Variants in TEK observed in about 807,000 individuals in gnomAD.
TEK encodes angiopoietin-1 receptor.
TEK carries 43 observed loss-of-function variants against 131.8 expected under a neutral mutation model. The observed-to-expected ratio is 0.33, with a 90% confidence interval of 0.26 to 0.42. TEK has a LOEUF of 0.42. Ranked by LOEUF, TEK falls within the 10% of genes least tolerant of loss-of-function variation. The pLI is 1.00. For synonymous variants in TEK, 580 were observed against 491.6 expected, an observed-to-expected ratio of 1.18 and a Z score of -2.38; for missense variants, 1,162 against 1,384.4, an observed-to-expected ratio of 0.84 and a Z score of 2.55.
At chr9:27,163,151 C>A (rs1279281116) in intron 2 of TEK, among the ~76,000 whole-genome samples, 1 of 152,060 alleles carries the variant, frequency 6.6e-6, no homozygotes, top group African/African-American at 2.4e-5. Flanking sequence ...CTTTTAAGAC[C>A]CCACTAATAA....
intron 6 of TEK, among the ~76,000 whole-genome samples, chr9:27,174,399 G>A (rs534360717): frequency 1.4e-4 from 21 of 152,204 alleles, no homozygotes; most frequent in African/African-American, 5.1e-4. Flanking sequence ...ATTTTCTAGT[G>A]TCCACATTAA....
chr9:27,115,328 ATC>A (rs1821509512), intron 1 of TEK, among the ~76,000 whole-genome samples: 1 of 151,960 alleles, frequency 6.6e-6, no homozygotes, highest in South Asian at 2.1e-4. Flanking sequence ...GCAAAACCCC[ATC>A]TCTACAAAAA....
chr9:27,208,611 C>T (rs1036094754), intron 15 of TEK, among the ~76,000 whole-genome samples: 1 of 152,178 alleles, frequency 6.6e-6, no homozygotes. Context: ...AAATAAGTTA[C>T]AGTTAGTGAA....
At chr9:27,145,551 A>G (rs1822884965) in intron 1 of TEK, among the ~76,000 whole-genome samples, 1 of 152,250 alleles carries the variant, frequency 6.6e-6, no homozygotes, top group Admixed American at 6.5e-5. Context: ...TCAATGATTT[A>G]GAAGCTATCA....
intron 9 of TEK, 97 bp downstream of exon 9, chr9:27,185,726 C>T: frequency 6.6e-7 from 1 of 1,505,016 alleles, no homozygotes; most frequent in East Asian, 2.3e-5. Flanking sequence ...ACTAAAATAC[C>T]TTTGGGGTAA....
At chr9:27,174,793 A>G (rs1209200671) in intron 6 of TEK, among the ~76,000 whole-genome samples, 1 of 152,144 alleles carries the variant, frequency 6.6e-6, no homozygotes, top group Non-Finnish European at 1.5e-5. Context: ...ATGTTAAGGT[A>G]AAAGGTGACT....
intron 2 of TEK, among the ~76,000 whole-genome samples, chr9:27,165,812 A>G (rs1225935267): frequency 6.6e-6 from 1 of 152,172 alleles, no homozygotes; most frequent in Non-Finnish European, 1.5e-5. Flanking sequence ...CCCCCAGGTC[A>G]TCATCTGCAC....
chr9:27,188,454 C>T (rs1667525037), intron 9 of TEK, among the ~76,000 whole-genome samples: 1 of 152,158 alleles, frequency 6.6e-6, no homozygotes, highest in South Asian at 2.1e-4. Flanking sequence ...GTATCACAGA[C>T]TGACATTAAT....
At chr9:27,221,485 A>T (rs1418079427) in intron 21 of TEK, among the ~76,000 whole-genome samples, 1 of 151,278 alleles carries the variant, frequency 6.6e-6, no homozygotes, top group Non-Finnish European at 1.5e-5. Context: ...TGACTGGGAG[A>T]CATCTCCCAG....
chr9:27,136,983 T>G, intron 1 of TEK, among the ~76,000 whole-genome samples: 1 of 152,158 alleles, frequency 6.6e-6, no homozygotes, highest in Admixed American at 6.5e-5. Flanking sequence ...TGGCGCAGTC[T>G]CGGCTCACTG....
chr9:27,195,529 TGCCCCATAG>T, intron 11 of TEK: 1 of 381,024 alleles, frequency 2.6e-6, no homozygotes, highest in South Asian at 2.0e-5. Context: ...CAAATTTTTT[TGCCCCATAG>T]GAGTGATTGT....
At chr9:27,136,306 A>G (rs6475965) in intron 1 of TEK, among the ~76,000 whole-genome samples, 73,463 of 151,866 alleles carry the variant, frequency 0.48, 18,783 homozygotes, top group Non-Finnish European at 0.55. Flanking sequence ...GGTCTCAAAC[A>G]CCTGAACTCG....
intron 21 of TEK, among the ~76,000 whole-genome samples, chr9:27,222,008 A>C (rs1014673983): frequency 6.6e-6 from 1 of 152,218 alleles, no homozygotes; most frequent in Non-Finnish European, 1.5e-5. Context: ...GGTTAGATGA[A>C]TTGCAACTAG....
At chr9:27,132,204 C>T (rs1822254032) in intron 1 of TEK, among the ~76,000 whole-genome samples, 1 of 151,674 alleles carries the variant, frequency 6.6e-6, no homozygotes, top group Non-Finnish European at 1.5e-5. Context: ...TCTCCTGCCT[C>T]AGCCTCCTGA....
chr9:27,117,157 G>A (rs962511775), intron 1 of TEK, among the ~76,000 whole-genome samples: 10 of 152,068 alleles, frequency 6.6e-5, no homozygotes, highest in Non-Finnish European at 7.4e-5. Flanking sequence ...GAGCCACTGC[G>A]CCCGGCCGGA....
chr9:27,157,943 C>G lies in TEK; in HGVS notation c.165C>G (p.Ile55Met), dbSNP rs754637849. 1 of 1,614,064 alleles carries G rather than the reference C, an allele frequency of 6.2e-7. No individual in the cohort carries two copies. Among genetic ancestry groups the G allele is most frequent in the Non-Finnish European group, 8.5e-7 (1 of 1,180,002 alleles). Residue 55 changes from isoleucine to methionine, a missense_variant, in exon 2 of 23, where the codon ATC becomes ATG. By Grantham distance (10) the Ile-to-Met change is conservative. Coordinates refer to ENST00000380036, the MANE Select transcript of TEK (RefSeq NM_000459.5). Reference protein sequence around the residue: ...IASGWRPHEPITIGRDFEALM... With the variant: ...IASGWRPHEPMTIGRDFEALM... ...CTGGGTGGCGCCCCCATGAGCCCAT[C>G]ACCATAGGAAGGGACTTTGAAGCCT... is the stretch of plus-strand genomic sequence containing the variant.
intron 2 of TEK, among the ~76,000 whole-genome samples, chr9:27,167,056 G>A (rs1823756351): frequency 6.6e-6 from 1 of 152,122 alleles, no homozygotes. Flanking sequence ...ATGTCACAGA[G>A]TTTGGCTTTC....
chr9:27,163,445 A>G (rs1363170630), intron 2 of TEK, among the ~76,000 whole-genome samples: 1 of 152,188 alleles, frequency 6.6e-6, no homozygotes, highest in Non-Finnish European at 1.5e-5. Context: ...AAATTCCTAA[A>G]TGGAAACTGA....
chr9:27,214,517 G>A (rs565578516), intron 18 of TEK, among the ~76,000 whole-genome samples: 22 of 152,206 alleles, frequency 1.4e-4, no homozygotes, highest in Non-Finnish European at 1.5e-4. Context: ...CTCAGGTTCC[G>A]GCATTTATTC....
Sources: allele counts gnomAD v4.1 joint callset (sites outside exome capture counted in the v4.1 genomes callset), GRCh38; gene constraint gnomAD v4.1.1; transcripts MANE v1.5; gene names NCBI Gene and HGNC (gene_info 2026-07-23, HGNC 2026-07-21).